The following EHMT1 variants were observed in gnomAD, a reference collection of about 807,000 sequenced individuals.
EHMT1 encodes histone-lysine N-methyltransferase EHMT1.
Under a neutral mutation model 147.2 loss-of-function variants are expected in EHMT1, and 15 were observed. That is an observed-to-expected ratio of 0.10 (90% CI 0.07 to 0.16). The LOEUF (loss-of-function observed/expected upper bound fraction) is 0.16, where lower values mean the gene tolerates loss of function less well. Ranked by LOEUF, EHMT1 falls within the 10% of genes least tolerant of loss-of-function variation. The pLI is 1.00. For synonymous variants in EHMT1, 795 were observed against 709.6 expected, an observed-to-expected ratio of 1.12 and a Z score of -1.91; for missense variants, 1,587 against 1,772.4, an observed-to-expected ratio of 0.90 and a Z score of 1.88.
chr9:137,629,551 G>GCCTA (rs1843485562), intron 1 of EHMT1, among the ~76,000 whole-genome samples: 1 of 151,964 alleles, frequency 6.6e-6, no homozygotes, highest in Non-Finnish European at 1.5e-5. Flanking sequence ...CCACCACCAT[G>GCCTA]CCTAGCTAAT....
chr9:137,795,590 T>C (rs1952873798), intron 16 of EHMT1, among the ~76,000 whole-genome samples: 1 of 152,148 alleles, frequency 6.6e-6, no homozygotes, highest in Non-Finnish European at 1.5e-5. Context: ...ACGTGCAGAC[T>C]CCACAGACAG....
At chr9:137,721,789 G>T (rs991032343) in intron 3 of EHMT1, among the ~76,000 whole-genome samples, 1 of 152,160 alleles carries the variant, frequency 6.6e-6, no homozygotes, top group African/African-American at 2.4e-5. Context: ...GTATATGAGT[G>T]TTTGTCAGCT....
intron 6 of EHMT1, among the ~76,000 whole-genome samples, chr9:137,745,230 T>TGTAAAG (rs1288245013): frequency 1.3e-5 from 2 of 152,234 alleles, no homozygotes; most frequent in African/African-American, 4.8e-5. Context: ...TATCCCTGAA[T>TGTAAAG]GTATACAAAG....
chr9:137,788,498 G>T, intron 15 of EHMT1: 1 of 161,918 alleles, frequency 6.2e-6, no homozygotes. Flanking sequence ...TAGGGAAGTT[G>T]CAGGTGTAGG....
rs1948251308 is a variant in EHMT1 at position 137,743,161 on chromosome 9, A to T, written c.824-210A>T. The T allele has an allele frequency of 1.1e-5, 6 of 566,450 alleles. No individual in the cohort carries two copies. In the East Asian group the frequency reaches 1.9e-4, roughly 18 times the overall value. The allele number at this position is 566,450 out of a possible 1,614,324, so 35.1% of individuals were successfully genotyped here. On this transcript the variant is annotated intron_variant, in intron 4 of 26. Coordinates refer to ENST00000460843, the MANE Select transcript of EHMT1 (RefSeq NM_024757.5). ...AATGGAACAGATGAACAGATGATCC[A>T]GGACGTGTTTCTGATTCTCTGTGAA...
intron 16 of EHMT1, among the ~76,000 whole-genome samples, chr9:137,793,512 C>T (rs764378290): frequency 3.9e-5 from 6 of 152,234 alleles, no homozygotes; most frequent in East Asian, 3.8e-4. Flanking sequence ...CATAGGATTA[C>T]GCTGTGATCT....
At chr9:137,809,480 A>G (rs969201409) in intron 18 of EHMT1, among the ~76,000 whole-genome samples, 1 of 152,026 alleles carries the variant, frequency 6.6e-6, no homozygotes, top group East Asian at 1.9e-4. Flanking sequence ...TGGAGACCGC[A>G]CCCCTGCAGG....
At chr9:137,655,101 AGAGTCTCCTGCCTCAGCCTCCCAAG>A in intron 1 of EHMT1, among the ~76,000 whole-genome samples, 1 of 152,018 alleles carries the variant, frequency 6.6e-6, no homozygotes, top group African/African-American at 2.4e-5. Context: ...CAGGTTCAAA[AGAGTCTCCTGCCTCAGCCTCCCAAG>A]TAGCTGGGAC....
intron 1 of EHMT1, among the ~76,000 whole-genome samples, chr9:137,675,814 C>T (rs1424121891): frequency 2.1e-4 from 20 of 95,154 alleles, no homozygotes; most frequent in South Asian, 3.5e-4. Context: ...GACGGAGTCT[C>T]GCTCTGTCGC....
chr9:137,791,009 G>A, intron 16 of EHMT1, 39 bp downstream of exon 16: 3 of 1,614,148 alleles, frequency 1.9e-6, no homozygotes, highest in South Asian at 2.2e-5. Context: ...TAGTGTGTGT[G>A]TAGACGTTTC....
intron 1 of EHMT1, among the ~76,000 whole-genome samples, chr9:137,662,111 A>G (rs1404419843): frequency 2.0e-5 from 3 of 152,172 alleles, no homozygotes; most frequent in South Asian, 2.1e-4. Context: ...CAAGAAATCT[A>G]TTAATGGGGT....
intron 1 of EHMT1, among the ~76,000 whole-genome samples, chr9:137,710,255 T>A (rs1409292217): frequency 6.6e-6 from 1 of 151,980 alleles, no homozygotes; most frequent in Non-Finnish European, 1.5e-5. Context: ...GCGGATCACT[T>A]GAGGCCAGGA....
At chr9:137,656,607 G>A (rs1225237732) in intron 1 of EHMT1, among the ~76,000 whole-genome samples, 1 of 152,180 alleles carries the variant, frequency 6.6e-6, no homozygotes, top group African/African-American at 2.4e-5. Flanking sequence ...CTGTGCTGTG[G>A]ACTGGAGGCA....
intron 2 of EHMT1, among the ~76,000 whole-genome samples, chr9:137,712,792 G>A (rs1321964847): frequency 6.6e-6 from 1 of 151,992 alleles, no homozygotes; most frequent in African/African-American, 2.4e-5. Flanking sequence ...CGACTTACCT[G>A]TTTTTTTCCT....
intron 6 of EHMT1, among the ~76,000 whole-genome samples, chr9:137,748,719 C>T (rs905778817): frequency 6.6e-6 from 1 of 152,248 alleles, no homozygotes; most frequent in Non-Finnish European, 1.5e-5. Context: ...TACTTTTTCA[C>T]ATACTTACTT....
At chr9:137,744,413 G>T (rs1435727634) in intron 6 of EHMT1, among the ~76,000 whole-genome samples, 1 of 151,758 alleles carries the variant, frequency 6.6e-6, no homozygotes, top group Non-Finnish European at 1.5e-5. Context: ...TCAACCTCCT[G>T]GGCTCAATGA....
chr9:137,813,692 C>CTGG lies in EHMT1; in HGVS notation c.3180+163_3180+165dup, dbSNP rs1374793881. ...TTTGTAGTTGCCTCCCGTGAAAGAG[C>CTGG]TGGAAGGCAGATAAAGGTTCTGTCA... is the stretch of plus-strand genomic sequence containing the variant. On this transcript the variant is annotated intron_variant, in intron 21 of 26. Transcript: ENST00000460843. This position sits in a 1 kb window ranked among gnomAD's most constrained non-coding sequence, Gnocchi z 4.9. Among the ~76,000 whole-genome samples the CTGG allele has an allele frequency of 1.3e-5, 2 of 152,138 alleles. No individual in the cohort carries two copies. The highest frequency in any genetic ancestry group is 2.9e-5 in the Non-Finnish European group (2 of 68,024).
At chr9:137,733,680 C>T (rs1268516830) in intron 4 of EHMT1, among the ~76,000 whole-genome samples, 1 of 152,204 alleles carries the variant, frequency 6.6e-6, no homozygotes, top group Non-Finnish European at 1.5e-5. Flanking sequence ...GAGAGGCCCT[C>T]TCATCCGGTT....
chr9:137,741,946 G>A (rs1194642950), intron 4 of EHMT1, among the ~76,000 whole-genome samples: 1 of 152,184 alleles, frequency 6.6e-6, no homozygotes. Context: ...AAAATATCAA[G>A]ATGATTATGA....
Sources: allele counts gnomAD v4.1 joint callset (sites outside exome capture counted in the v4.1 genomes callset), GRCh38; gene constraint gnomAD v4.1.1; non-coding constraint Gnocchi (gnomAD v3.1); transcripts MANE v1.5; gene names NCBI Gene and HGNC (gene_info 2026-07-23, HGNC 2026-07-21).